PRAG1: variants seen among roughly 807,000 people sequenced by gnomAD.
The protein encoded by PRAG1 is inactive tyrosine-protein kinase PRAG1.
PRAG1 carries 110 observed loss-of-function variants against 95.6 expected under a neutral mutation model. The observed-to-expected ratio is 1.15, with a 90% CI of 0.99 to 1.35. The LOEUF (loss-of-function observed/expected upper bound fraction) is 1.35, where lower values mean the gene tolerates loss of function less well. Among genes scored for constraint, PRAG1 ranks in the 40% most tolerant of loss-of-function variants. The pLI is 0.00. For synonymous variants in PRAG1, 1,052 were observed against 819.4 expected, an observed-to-expected ratio of 1.28 and a Z score of -4.85; for missense variants, 2,554 against 1,864.7, an observed-to-expected ratio of 1.37 and a Z score of -6.81.
rs781292176 is a variant in PRAG1, at chr8:8,376,772, G to C, written c.1637C>G (p.Pro546Arg). The change falls in exon 3 of 6, where the codon CCC becomes CGC. Residue 546 changes from proline (P) to arginine (R), a missense_variant. Transcript: ENST00000615670. ...TACAGGGCTACTCTTGGACAACTTGGGGGGAATGGCGGGCCTCTCCTTGGG... is the reference window on the plus strand; with the variant it reads ...TACAGGGCTACTCTTGGACAACTTGCGGGGAATGGCGGGCCTCTCCTTGGG... ...SKPKERPAIP[P>R]KLSKSSPVGS... 1.3e-5 allele frequency: 21 copies of C among 1,610,730 alleles called. No homozygotes were observed. The highest frequency in any genetic ancestry group is 5.1e-6 in the Non-Finnish European group (6 of 1,179,972).
At chr8:8,351,979 A>G (rs28574846) in intron 3 of PRAG1, among the ~76,000 whole-genome samples, 2 of 152,094 alleles carry the variant, frequency 1.3e-5, no homozygotes, top group African/African-American at 4.8e-5. Context: ...CACCAAGATC[A>G]CCTGTGCCTG....
At chr8:8,351,951 C>T (rs989995769) in intron 3 of PRAG1, among the ~76,000 whole-genome samples, 2 of 152,102 alleles carry the variant, frequency 1.3e-5, no homozygotes, top group Admixed American at 1.3e-4. Context: ...TGGGCTTGAT[C>T]GAATCCTATT....
intron 3 of PRAG1, among the ~76,000 whole-genome samples, chr8:8,376,019 C>G (rs1800373712): frequency 1.3e-5 from 2 of 152,106 alleles, no homozygotes; most frequent in South Asian, 2.1e-4. Context: ...TTTTAAATCA[C>G]CAATCCCAAG....
Position 8,381,548 on chromosome 8 carries a change from C to T in PRAG1, c.200G>A (p.Cys67Tyr). The stretch of plus-strand genomic sequence containing the variant: ...GTTCACACCTTCATCTTCCAGGCGG[C>T]AGTTCTCAGGCCTGGGAGGCAGGCG... ...PPRLPPRPEN[C>Y]RLEDEGVNSS... is the part of the protein sequence containing the mutation. Residue 67 changes from cysteine to tyrosine, a missense_variant, in exon 2 of 6, where the codon TGC becomes TAC. Transcript: ENST00000615670. 1 of 1,614,202 alleles carries T rather than the reference C, an allele frequency of 6.2e-7. No homozygotes were observed. The highest frequency in any genetic ancestry group is 1.1e-5 in the South Asian group (1 of 91,090).
At chr8:8,360,191 G>C (rs756873344) in intron 3 of PRAG1, among the ~76,000 whole-genome samples, 4 of 152,106 alleles carry the variant, frequency 2.6e-5, no homozygotes, top group Non-Finnish European at 5.9e-5. Flanking sequence ...AGTCACAAAT[G>C]GGAGAGCTTC....
chr8:8,351,136 T>C (rs957089914), intron 3 of PRAG1, among the ~76,000 whole-genome samples: 16 of 152,172 alleles, frequency 1.1e-4, no homozygotes, highest in African/African-American at 2.9e-4. Context: ...AAGCAAGATG[T>C]TGGCGTATGG....
Position 8,386,314 on chromosome 8 carries a change from G to A in PRAG1, c.-88+7C>T, listed in dbSNP as rs1369104908. ...GGCCGAATTTGGAGAGCGCGTCGCGGGCTCACCTCTGGGCTGCGCTCCCCC... is the reference window on the plus strand; with the variant it reads ...GGCCGAATTTGGAGAGCGCGTCGCGAGCTCACCTCTGGGCTGCGCTCCCCC... On this transcript the variant is annotated splice_region_variant and intron_variant, in intron 1 of 5. Coordinates refer to ENST00000615670, the MANE Select transcript of PRAG1 (RefSeq NM_001080826.3). The A allele has an allele frequency of 1.3e-5, 2 of 152,182 alleles. No homozygotes were observed. Among genetic ancestry groups the A allele is most frequent in the Non-Finnish European group, 2.9e-5 (2 of 68,044 alleles). The allele number at this position is 152,182 out of a possible 1,614,324, so 9.4% of individuals were successfully genotyped here.
At chr8:8,367,387 G>T (rs1236024674) in intron 3 of PRAG1, among the ~76,000 whole-genome samples, 6 of 125,860 alleles carry the variant, frequency 4.8e-5, no homozygotes, top group Non-Finnish European at 9.5e-5. Context: ...GAACCCGGGA[G>T]GCAGAGGTTG....
chr8:8,348,440 T>A (rs1450767718), intron 3 of PRAG1, among the ~76,000 whole-genome samples: 1 of 152,194 alleles, frequency 6.6e-6, no homozygotes, highest in East Asian at 1.9e-4. Flanking sequence ...AGTCTATTCA[T>A]TCCATTGTAC....
chr8:8,347,828 A>AT (rs1470102308), intron 3 of PRAG1, among the ~76,000 whole-genome samples: 2 of 140,244 alleles, frequency 1.4e-5, no homozygotes, highest in African/African-American at 5.1e-5. Context: ...TTTTTTTTTT[A>AT]TTTTTTGAGG....
chr8:8,333,266 C>A (rs537676312), intron 4 of PRAG1, among the ~76,000 whole-genome samples: 28 of 152,290 alleles, frequency 1.8e-4, no homozygotes, highest in Non-Finnish European at 3.1e-4. Flanking sequence ...CCAGAGGGCT[C>A]CAAACCTCAG....
At chr8:8,382,712 C>T (rs915882613) in intron 1 of PRAG1, among the ~76,000 whole-genome samples, 3 of 152,152 alleles carry the variant, frequency 2.0e-5, no homozygotes, top group African/African-American at 7.2e-5. Flanking sequence ...CACCATGGTC[C>T]CTTGTAAATT....
Position 8,377,804 on chromosome 8 carries a change from G to A in PRAG1, c.605C>T (p.Ser202Phe). Reference protein sequence around the residue: ...KPSFPYQDRPSTQESFRQKLA... With the variant: ...KPSFPYQDRPFTQESFRQKLA... ...TTTCTGGCGGAAGCTCTCCTGGGTGGAGGGCCGGTCTTGGTAAGGAAATGA... is the reference window on the plus strand; with the variant it reads ...TTTCTGGCGGAAGCTCTCCTGGGTGAAGGGCCGGTCTTGGTAAGGAAATGA... The change falls in exon 3 of 6, where the codon TCC (serine) becomes TTC (phenylalanine). Residue 202 changes from serine to phenylalanine, a missense_variant. By Grantham distance (155) the Ser-to-Phe change is radical. Transcript: ENST00000615670. 1 of 1,614,170 alleles carries A rather than the reference G, an allele frequency of 6.2e-7. No homozygotes were observed. The highest frequency in any genetic ancestry group is 8.5e-7 in the Non-Finnish European group (1 of 1,180,040).
chr8:8,318,526 C>T lies in PRAG1; in HGVS notation c.3849G>A (p.Arg1283=). ...CGGGCAGCGGCGGCAGGTCCTCCTG[C>T]CGGTAGTCTCTCTCCCGCAGCTGGG... ...VRAQLRERDY[R]QEDLPPLPAL... The change falls in exon 6 of 6, where the codon CGG becomes CGA. Residue 1283 remains arginine, a synonymous_variant. Transcript: ENST00000615670. The surrounding 1 kb of genome is among the most constrained non-coding windows in gnomAD (Gnocchi z 4.2). 1 of 1,612,858 alleles carries T rather than the reference C, an allele frequency of 6.2e-7. No individual in the cohort carries two copies. The highest frequency in any genetic ancestry group is 8.5e-7 in the Non-Finnish European group (1 of 1,179,806).
chr8:8,337,515 G>A (rs193024899), intron 4 of PRAG1, among the ~76,000 whole-genome samples: 2 of 152,266 alleles, frequency 1.3e-5, no homozygotes, highest in Admixed American at 6.5e-5. Flanking sequence ...AGAATGTCAT[G>A]CCTTTGGTCT....
chr8:8,335,377 C>T (rs568722718), intron 4 of PRAG1, among the ~76,000 whole-genome samples: 2 of 152,132 alleles, frequency 1.3e-5, no homozygotes, highest in South Asian at 2.1e-4. Context: ...ATTTGAAAGG[C>T]CCCAAGATAA....
At chr8:8,348,331 T>C (rs1799413463) in intron 3 of PRAG1, among the ~76,000 whole-genome samples, 1 of 152,234 alleles carries the variant, frequency 6.6e-6, no homozygotes, top group East Asian at 1.9e-4. Flanking sequence ...GGATTCTCTC[T>C]AGCTTAGCCA....
chr8:8,379,227 C>A (rs1050007821), intron 2 of PRAG1, among the ~76,000 whole-genome samples: 10 of 152,210 alleles, frequency 6.6e-5, no homozygotes, highest in Admixed American at 5.9e-4. Flanking sequence ...TCATCTTTCT[C>A]CCGCCTACAG....
At position 8,377,645 on chromosome 8, in the gene PRAG1, G is replaced by C. The variant is rs778159016; in HGVS notation, c.764C>G (p.Ser255Cys). The C allele has an allele frequency of 1.4e-5, 22 of 1,613,520 alleles. No homozygotes were observed. Among genetic ancestry groups the C allele is most frequent in the Non-Finnish European group, 1.7e-6 (2 of 1,180,008 alleles). ...SGDSEGGEYCSILDCCPGSPV... is the reference protein window; with the variant it reads ...SGDSEGGEYCCILDCCPGSPV... ...GCTCCCAGGGCAGCAGTCCAGGATG[G>C]AGCAGTACTCTCCACCCTCGCTGTC... Residue 255 changes from serine (S) to cysteine (C), a missense_variant, in exon 3 of 6, where the codon TCC (serine) becomes TGC (cysteine). By Grantham distance (112) the Ser-to-Cys change is moderately radical. Transcript: ENST00000615670.
Sources: allele counts gnomAD v4.1 joint callset (sites outside exome capture counted in the v4.1 genomes callset), GRCh38; gene constraint gnomAD v4.1.1; non-coding constraint Gnocchi (gnomAD v3.1); transcripts MANE v1.5; gene names NCBI Gene and HGNC (gene_info 2026-07-23, HGNC 2026-07-21).